Variants in GOLPH3L observed in about 807,000 individuals in gnomAD.
The protein encoded by GOLPH3L is Golgi phosphoprotein 3-like.
A neutral mutation model predicts 30.3 loss-of-function variants in GOLPH3L; 22 were observed. That is an observed-to-expected ratio of 0.73 (90% CI 0.52 to 1.04). The LOEUF (loss-of-function observed/expected upper bound fraction) is 1.04, where lower values mean the gene tolerates loss of function less well. Ranked by LOEUF, GOLPH3L falls within the 50% of genes least tolerant of loss-of-function variation. The pLI, the probability that GOLPH3L is intolerant of heterozygous loss-of-function variation, is 0.00. For synonymous variants in GOLPH3L, 120 were observed against 128.2 expected, an observed-to-expected ratio of 0.94 and a Z score of 0.43; for missense variants, 303 against 345.8, an observed-to-expected ratio of 0.88 and a Z score of 0.98.
chr1:150,659,529 A>G (rs587740944), intron 4 of GOLPH3L, among the ~76,000 whole-genome samples: 12 of 152,282 alleles, frequency 7.9e-5, no homozygotes, highest in Admixed American at 3.9e-4. Flanking sequence ...CATAAGGAAT[A>G]CTTTTAGTAA....
At chr1:150,660,216 C>A (rs1650337313) in intron 4 of GOLPH3L, among the ~76,000 whole-genome samples, 1 of 151,528 alleles carries the variant, frequency 6.6e-6, no homozygotes. Flanking sequence ...AAAATCAAAA[C>A]CACAATGAGA....
chr1:150,665,032 G>A (rs1189969757), intron 2 of GOLPH3L, among the ~76,000 whole-genome samples: 1 of 152,052 alleles, frequency 6.6e-6, no homozygotes, highest in Non-Finnish European at 1.5e-5. Flanking sequence ...TCTAACAGCA[G>A]TAACGTTTAA....
At chr1:150,683,699 CAAAAAAAAAAAAAAAAAA>C (rs397981524) in intron 2 of GOLPH3L, among the ~76,000 whole-genome samples, 4 of 14,960 alleles carry the variant, frequency 2.7e-4, no homozygotes, top group Admixed American at 3.3e-3. Context: ...GACTCTCTCT[CAAAAAAAAAAAAAAAAAA>C]AAAAAAAAAA....
intron 2 of GOLPH3L, among the ~76,000 whole-genome samples, chr1:150,679,660 C>T (rs991593156): frequency 1.3e-5 from 2 of 152,058 alleles, no homozygotes; most frequent in African/African-American, 4.8e-5. Context: ...ATTAGCCAGG[C>T]ATGGCGGCAT....
At chr1:150,657,430 C>T (rs1173498262) in intron 4 of GOLPH3L, among the ~76,000 whole-genome samples, 1 of 152,256 alleles carries the variant, frequency 6.6e-6, no homozygotes, top group Non-Finnish European at 1.5e-5. Flanking sequence ...GTATATTCCT[C>T]ATCTTTTACA....
intron 4 of GOLPH3L, among the ~76,000 whole-genome samples, chr1:150,654,747 C>A (rs587699514): frequency 1.3e-5 from 2 of 152,324 alleles, no homozygotes; most frequent in African/African-American, 4.8e-5. Context: ...ATCTGTCCCC[C>A]GCCATAGCAG....
chr1:150,683,274 C>T (rs1185384664), intron 2 of GOLPH3L, among the ~76,000 whole-genome samples: 2 of 151,992 alleles, frequency 1.3e-5, no homozygotes, highest in East Asian at 3.9e-4. Context: ...CGGTGGCTCA[C>T]GCCTGTAATC....
chr1:150,686,166 C>T (rs910047427), intron 2 of GOLPH3L, among the ~76,000 whole-genome samples: 7 of 152,060 alleles, frequency 4.6e-5, no homozygotes, highest in Admixed American at 6.6e-5. Context: ...AGCTACCGCA[C>T]CCAGCCAGCA....
chr1:150,672,899 A>G (rs1650676400), intron 2 of GOLPH3L, among the ~76,000 whole-genome samples: 2 of 152,326 alleles, frequency 1.3e-5, no homozygotes, highest in South Asian at 4.1e-4. Context: ...CAATGAATGA[A>G]ATGAAGATTG....
intron 2 of GOLPH3L, among the ~76,000 whole-genome samples, chr1:150,677,001 A>G (rs1432251367): frequency 6.6e-6 from 1 of 151,566 alleles, no homozygotes; most frequent in African/African-American, 2.4e-5. Flanking sequence ...TTGGGGCCTC[A>G]GACTCCCAAA....
intron 4 of GOLPH3L, among the ~76,000 whole-genome samples, chr1:150,652,115 C>T (rs1171451670): frequency 2.6e-5 from 4 of 152,032 alleles, no homozygotes; most frequent in Non-Finnish European, 5.9e-5. Context: ...AGCTTAATAA[C>T]TGACTTCCCA....
intron 2 of GOLPH3L, among the ~76,000 whole-genome samples, chr1:150,686,237 CAG>C (rs1651083775): frequency 6.6e-6 from 1 of 152,098 alleles, no homozygotes; most frequent in South Asian, 2.1e-4. Flanking sequence ...TGTTTTGAGA[CAG>C]AGTCGTGCTC....
chr1:150,676,317 T>C (rs1015917127), intron 2 of GOLPH3L, among the ~76,000 whole-genome samples: 3 of 152,096 alleles, frequency 2.0e-5, no homozygotes, highest in Non-Finnish European at 4.4e-5. Context: ...TGTAGCTCTA[T>C]GTAGCCATCA....
chr1:150,650,571 C>T (rs150320902), intron 4 of GOLPH3L, among the ~76,000 whole-genome samples: 2 of 152,304 alleles, frequency 1.3e-5, no homozygotes, highest in African/African-American at 2.4e-5. Context: ...TCAGCAGTGG[C>T]ATTAGGTTCC....
intron 2 of GOLPH3L, among the ~76,000 whole-genome samples, chr1:150,675,812 T>C (rs1557786081): frequency 6.9e-6 from 1 of 143,892 alleles, no homozygotes; most frequent in East Asian, 2.0e-4. Context: ...AAAAAAGTAT[T>C]GAGGAGTAGA....
chr1:150,667,191 C>T (rs1484364402), intron 2 of GOLPH3L, among the ~76,000 whole-genome samples: 4 of 152,132 alleles, frequency 2.6e-5, no homozygotes, highest in African/African-American at 9.7e-5. Flanking sequence ...TTCATGTTAT[C>T]TTTATTGCTC....
At chr1:150,672,577 C>T (rs200638160) in intron 2 of GOLPH3L, among the ~76,000 whole-genome samples, 2 of 152,092 alleles carry the variant, frequency 1.3e-5, no homozygotes, top group Non-Finnish European at 2.9e-5. Context: ...ATTACAGGGG[C>T]CTGCCACCAC....
intron 1 of GOLPH3L, among the ~76,000 whole-genome samples, chr1:150,696,612 A>G (rs1402199777): frequency 1.3e-5 from 2 of 152,180 alleles, no homozygotes; most frequent in African/African-American, 4.8e-5. Flanking sequence ...AGTGAGCTAC[A>G]AAAGTTTTTT....
chr1:150,680,759 A>G (rs1015172948), intron 2 of GOLPH3L, among the ~76,000 whole-genome samples: 2 of 152,226 alleles, frequency 1.3e-5, no homozygotes, highest in African/African-American at 4.8e-5. Flanking sequence ...CATTTAATTA[A>G]GAGCCAAGAC....
Sources: allele counts gnomAD v4.1 joint callset (sites outside exome capture counted in the v4.1 genomes callset), GRCh38; gene constraint gnomAD v4.1.1; transcripts MANE v1.5; gene names NCBI Gene and HGNC (gene_info 2026-07-23, HGNC 2026-07-21).